Variants in BANF2 observed in about 807,000 individuals in gnomAD.
BANF2 encodes the protein barrier-to-autointegration factor-like protein.
BANF2 carries 4 observed loss-of-function variants against 8.0 expected under a neutral mutation model. The observed-to-expected ratio is 0.50, with a 90% CI of 0.25 to 1.14. The LOEUF is 1.14. Ranked by LOEUF, BANF2 falls within the 50% of genes most tolerant of loss-of-function variation. BANF2 has a pLI of 0.16. For synonymous variants in BANF2, 50 were observed against 40.6 expected (o/e 1.23, Z -0.88); for missense variants, 96 against 107.5 (o/e 0.89, Z 0.47).
intron 1 of BANF2, among the ~76,000 whole-genome samples, chr20:17,709,022 A>G (rs976646358): frequency 6.6e-6 from 1 of 152,266 alleles, no homozygotes; most frequent in Admixed American, 6.5e-5. Flanking sequence ...TAATGCAATC[A>G]ATGAAAGCAA....
At chr20:17,701,033 TG>T (rs1017766136) in intron 1 of BANF2, among the ~76,000 whole-genome samples, 1 of 152,072 alleles carries the variant, frequency 6.6e-6, no homozygotes, top group Admixed American at 6.5e-5. Context: ...AGGGAGGTGG[TG>T]GGGGGTGGAT....
At chr20:17,719,253 T>G (rs929022599) in intron 1 of BANF2, among the ~76,000 whole-genome samples, 1 of 152,096 alleles carries the variant, frequency 6.6e-6, no homozygotes, top group Admixed American at 6.5e-5. Flanking sequence ...GCCTTCCGAG[T>G]AGCTGGAATT....
At chr20:17,734,729 A>G (rs2037951353) in intron 3 of BANF2, among the ~76,000 whole-genome samples, 1 of 152,174 alleles carries the variant, frequency 6.6e-6, no homozygotes, top group Non-Finnish European at 1.5e-5. Context: ...ACATCCTGCA[A>G]TGCACAGGAC....
chr20:17,735,221 G>T (rs2037960431), intron 3 of BANF2, among the ~76,000 whole-genome samples: 1 of 152,330 alleles, frequency 6.6e-6, no homozygotes, highest in African/African-American at 2.4e-5. Flanking sequence ...GTTTCCAAGA[G>T]AAATGCTTCA....
At chr20:17,716,714 A>G (rs1199278835) in intron 1 of BANF2, among the ~76,000 whole-genome samples, 8 of 151,412 alleles carry the variant, frequency 5.3e-5, no homozygotes, top group Admixed American at 3.9e-4. Flanking sequence ...TGCGGCATGC[A>G]TCTGTGGTCC....
At chr20:17,720,515 A>C (rs1440639430) in intron 1 of BANF2, among the ~76,000 whole-genome samples, 3 of 152,240 alleles carry the variant, frequency 2.0e-5, no homozygotes, top group African/African-American at 7.2e-5. Flanking sequence ...TCCACTTAAA[A>C]TTTTTTTCTT....
At position 17,735,868 on chromosome 20, in the gene BANF2, C is replaced by G; in HGVS notation, c.*57C>G. On this transcript the variant is annotated 3_prime_UTR_variant, in exon 4 of 4. Coordinates refer to ENST00000246090, the MANE Select transcript of BANF2 (RefSeq NM_178477.5). ...TCTGGGGAAAATGACGCCTTCTCCA[C>G]CTATGCCCAGGCTCCGAGTCCTCAT... 6.4e-7 allele frequency: 1 copy of G among 1,555,866 alleles called. No individual in the cohort carries two copies. The highest frequency in any genetic ancestry group is 8.8e-7 in the Non-Finnish European group (1 of 1,137,434).
rs1568820088 is a variant in BANF2, at chr20:17,729,961, C to CA, written c.126+4810_126+4811insA. Among the ~76,000 whole-genome samples, 33 of 152,270 alleles carry CA rather than the reference C, an allele frequency of 2.2e-4. 1 individual carries two copies. Among genetic ancestry groups the CA allele is most frequent in the African/African-American group, 7.7e-4 (32 of 41,558 alleles). ...AACTGTGGGGCAGGGCCCTGTGGGG[C>CA]GGGTGTGCTTGAGTTCTCCCACAGT... is the stretch of plus-strand genomic sequence containing the variant. On this transcript the variant is annotated intron_variant, in intron 3 of 3. Coordinates refer to ENST00000246090, the MANE Select transcript of BANF2 (RefSeq NM_178477.5).
At chr20:17,717,462 A>G (rs1296141868) in intron 1 of BANF2, among the ~76,000 whole-genome samples, 3 of 152,144 alleles carry the variant, frequency 2.0e-5, no homozygotes, top group Admixed American at 1.3e-4. Context: ...TACATTTTAA[A>G]ATAAAAGTAG....
upstream of BANF2, among the ~76,000 whole-genome samples, chr20:17,695,991 T>C (rs2037343874): frequency 6.6e-6 from 1 of 152,262 alleles, no homozygotes; most frequent in African/African-American, 2.4e-5. Flanking sequence ...CATGTCATCA[T>C]ATATGCATCA....
intron 1 of BANF2, among the ~76,000 whole-genome samples, chr20:17,715,425 A>C (rs1362426806): frequency 6.6e-6 from 1 of 152,234 alleles, no homozygotes; most frequent in Non-Finnish European, 1.5e-5. Context: ...GTATTTGGTT[A>C]TTCATCACCT....
chr20:17,700,805 G>A lies in BANF2; in HGVS notation c.-167+750G>A, dbSNP rs368910178. On this transcript the variant is annotated intron_variant, in intron 1 of 3. Transcript: ENST00000246090. ...GACTCAAGGCCTTCTATAACAAACA[G>A]TAGGGACCCGTTCTGGGCCCCAGGA... Among the ~76,000 whole-genome samples, 20 of 152,284 alleles carry A rather than the reference G, an allele frequency of 1.3e-4. 1 individual carries two copies. The East Asian group carries it at 2.5e-3, about 19-fold the overall frequency.
At chr20:17,704,487 G>A (rs1035470392) in intron 1 of BANF2, among the ~76,000 whole-genome samples, 13 of 152,194 alleles carry the variant, frequency 8.5e-5, no homozygotes, top group Non-Finnish European at 1.5e-4. Flanking sequence ...CACTTCTAGA[G>A]TGGACAGCAC....
chr20:17,714,409 C>T (rs1218969349), intron 1 of BANF2, among the ~76,000 whole-genome samples: 1 of 152,108 alleles, frequency 6.6e-6, no homozygotes, highest in Non-Finnish European at 1.5e-5. Flanking sequence ...AGGAAAAATG[C>T]AACCAGAAAT....
intron 1 of BANF2, among the ~76,000 whole-genome samples, chr20:17,714,535 G>A (rs406004): frequency 0.4 from 61,025 of 152,068 alleles, 12,863 homozygotes; most frequent in Middle Eastern, 0.49. Flanking sequence ...AAGGAAGGTG[G>A]AGGCTGCACA....
chr20:17,729,269 A>T (rs1487134416), intron 3 of BANF2, among the ~76,000 whole-genome samples: 1 of 152,040 alleles, frequency 6.6e-6, no homozygotes, highest in African/African-American at 2.4e-5. Flanking sequence ...CTATCCTCGA[A>T]CCACCCTCCT....
intron 1 of BANF2, among the ~76,000 whole-genome samples, chr20:17,703,851 G>A (rs1419348790): frequency 3.3e-5 from 5 of 151,558 alleles, no homozygotes; most frequent in Non-Finnish European, 7.4e-5. Context: ...GGGTTCAAGC[G>A]ATTCTCCTGC....
intron 1 of BANF2, among the ~76,000 whole-genome samples, chr20:17,702,037 C>T (rs539726974): frequency 2.0e-5 from 3 of 152,240 alleles, no homozygotes; most frequent in South Asian, 2.1e-4. Context: ...TCATCAGCCC[C>T]GTTTCTCAGA....
At chr20:17,724,120 T>G (rs1289202470) in intron 2 of BANF2, among the ~76,000 whole-genome samples, 2 of 152,174 alleles carry the variant, frequency 1.3e-5, no homozygotes, top group African/African-American at 4.8e-5. Flanking sequence ...CAGGAAATAT[T>G]CAGGATGTTA....
Sources: gnomAD v4.1 joint callset for allele counts (sites outside exome capture counted in the v4.1 genomes callset) on GRCh38, gnomAD v4.1.1 for gene constraint, MANE v1.5 for transcripts, NCBI Gene and HGNC (gene_info 2026-07-23, HGNC 2026-07-21) for gene names.